DCPS: variants seen among roughly 807,000 people sequenced by gnomAD.
DCPS encodes m7GpppX diphosphatase.
DCPS carries 27 observed loss-of-function variants against 34.7 expected under a neutral mutation model. That is an observed-to-expected ratio of 0.78 (90% confidence interval 0.57 to 1.07). DCPS has a LOEUF of 1.07. DCPS is among the 50% of genes least tolerant of loss of function. DCPS has a pLI of 0.00. For missense variants in DCPS, 464 were observed against 436.9 expected (o/e 1.06, Z -0.55); for synonymous variants, 185 against 185.7 (o/e 1.00, Z 0.03).
Position 126,346,989 on chromosome 11 carries a change from C to T in DCPS, c.*1376C>T, listed in dbSNP as rs537016576. On this transcript the variant is annotated 3_prime_UTR_variant, in exon 6 of 6. Coordinates refer to ENST00000263579, the MANE Select transcript of DCPS (RefSeq NM_014026.6). This position sits in a 1 kb window ranked among gnomAD's most constrained non-coding sequence, Gnocchi z 4.1. ...CCTATAATCCCACCTACTTGGGAGG[C>T]TGAAGCAGGAGAATCCCTTGAACCC... Among the ~76,000 whole-genome samples the T allele has an allele frequency of 6.6e-6, 1 of 152,082 alleles. No individual in the cohort carries two copies. The highest frequency in any genetic ancestry group is 2.1e-4 in the South Asian group (1 of 4,824).
chr11:126,309,538 G>A (rs1316134269), intron 2 of DCPS, among the ~76,000 whole-genome samples: 2 of 152,142 alleles, frequency 1.3e-5, no homozygotes, highest in South Asian at 2.1e-4. Flanking sequence ...AAGTCTGTAC[G>A]TATTCAATAC....
rs1273553639 is a variant in DCPS at position 126,328,366 on chromosome 11, T to G, written c.377-3039T>G. 2.6e-5 allele frequency among the ~76,000 whole-genome samples: 4 copies of G among 151,750 alleles called. No homozygotes were observed. Among genetic ancestry groups the G allele is most frequent in the Non-Finnish European group, 4.4e-5 (3 of 67,934 alleles). On this transcript the variant is annotated intron_variant, in intron 2 of 5. Transcript: ENST00000263579. This position sits in a 1 kb window ranked among gnomAD's most constrained non-coding sequence, Gnocchi z 6.6. ...GGAAGCCAGGCCCCTTAGGAGTGAGTGCTCTAGGGGGACGTGGGGAGCTCT... is the reference window on the plus strand; with the variant it reads ...GGAAGCCAGGCCCCTTAGGAGTGAGGGCTCTAGGGGGACGTGGGGAGCTCT...
rs189046754 is a variant in DCPS at position 126,307,590 on chromosome 11, T to C, written c.376+846T>C. 9.2e-5 allele frequency among the ~76,000 whole-genome samples: 14 copies of C among 152,128 alleles called. No individual in the cohort carries two copies. In the East Asian group the frequency reaches 2.7e-3, roughly 30 times the overall value. ...CACGCCTGGCTAATTTTTGTATTTT[T>C]AGTAGAGTCAGGGTTTCCATCATGG... On this transcript the variant is annotated intron_variant, in intron 2 of 5. Coordinates refer to ENST00000263579, the MANE Select transcript of DCPS (RefSeq NM_014026.6).
chr11:126,344,574 C>G lies in DCPS; in HGVS notation c.748-773C>G, dbSNP rs1036861772. On this transcript the variant is annotated intron_variant, in intron 5 of 5. Transcript: ENST00000263579. The surrounding 1 kb of genome is among the most constrained non-coding windows in gnomAD (Gnocchi z 8.1). Reference sequence around the variant, plus strand: ...GCAGAACACAGTTCTGGGGTATATACTGAGCCCACTGAGGCCCTAGTACTT... The same window carrying G: ...GCAGAACACAGTTCTGGGGTATATAGTGAGCCCACTGAGGCCCTAGTACTT... 1.3e-5 allele frequency among the ~76,000 whole-genome samples: 2 copies of G among 152,208 alleles called. No individual in the cohort carries two copies. Among genetic ancestry groups the G allele is most frequent in the Non-Finnish European group, 2.9e-5 (2 of 68,042 alleles).
Position 126,327,024 on chromosome 11 carries a change from G to T in DCPS, c.377-4381G>T, listed in dbSNP as rs1951746391. 6.6e-6 allele frequency among the ~76,000 whole-genome samples: 1 copy of T among 152,132 alleles called. No homozygotes were observed. Among genetic ancestry groups the T allele is most frequent in the Non-Finnish European group, 1.5e-5 (1 of 68,032 alleles). On this transcript the variant is annotated intron_variant, in intron 2 of 5. Transcript: ENST00000263579. This position sits in a 1 kb window ranked among gnomAD's most constrained non-coding sequence, Gnocchi z 4.1. ...ATATACGTAGAATAATGATAACGAT[G>T]GATATAAAAAAGGGTAAAATTATTA...
intron 1 of DCPS, 129 bp from the exon 2 acceptor site, chr11:126,306,441 A>C (rs1591379671): frequency 9.7e-7 from 1 of 1,026,566 alleles, no homozygotes. Context: ...AGACTTCCCC[A>C]GAGGGAAGAC....
intron 2 of DCPS, among the ~76,000 whole-genome samples, chr11:126,311,079 C>T (rs915984287): frequency 2.0e-5 from 3 of 152,218 alleles, no homozygotes; most frequent in African/African-American, 4.8e-5. Flanking sequence ...CCTCCACGTT[C>T]TCAGCTGACT....
In DCPS at chr11:126,334,157, G is replaced by A. The variant is rs1037518782; in HGVS notation, c.522+2607G>A. Among the ~76,000 whole-genome samples the A allele has an allele frequency of 2.6e-5, 4 of 152,052 alleles. No individual in the cohort carries two copies. Among genetic ancestry groups the A allele is most frequent in the African/African-American group, 9.7e-5 (4 of 41,388 alleles). ...GCAACTGATTGACGTGCAGAGGGGA[G>A]GGAAGAGGTTGGGTGATGAGTGGAT... is the stretch of plus-strand genomic sequence containing the variant. On this transcript the variant is annotated intron_variant, in intron 3 of 5. Coordinates refer to ENST00000263579, the MANE Select transcript of DCPS (RefSeq NM_014026.6). This position sits in a 1 kb window ranked among gnomAD's most constrained non-coding sequence, Gnocchi z 5.5.
rs1171843836 is a variant in DCPS at position 126,312,806 on chromosome 11, C to T, written c.376+6062C>T. Among the ~76,000 whole-genome samples, 1 of 152,066 alleles carries T rather than the reference C, an allele frequency of 6.6e-6. No homozygotes were observed. Among genetic ancestry groups the T allele is most frequent in the Non-Finnish European group, 1.5e-5 (1 of 68,024 alleles). On this transcript the variant is annotated intron_variant, in intron 2 of 5. Transcript: ENST00000263579. This position sits in a 1 kb window ranked among gnomAD's most constrained non-coding sequence, Gnocchi z 5.1. ...TATGGTGTTGCCTCTTATTTTTTTC[C>T]ACCTTTCAATTTATGTGAGCTTTAA...
At position 126,328,857 on chromosome 11, in the gene DCPS, G is replaced by C. The variant is rs1951760253; in HGVS notation, c.377-2548G>C. On this transcript the variant is annotated intron_variant, in intron 2 of 5. Transcript: ENST00000263579. This position sits in a 1 kb window ranked among gnomAD's most constrained non-coding sequence, Gnocchi z 6.6. ...CACTTCCTGAATCTTTCCTTCTACT[G>C]ACTCGTTTAATTCTCCCAACAGCCC... 1.3e-5 allele frequency among the ~76,000 whole-genome samples: 2 copies of C among 152,304 alleles called. No homozygotes were observed. The highest frequency in any genetic ancestry group is 4.1e-4 in the South Asian group (2 of 4,828).
rs1350003977 is a variant in DCPS at position 126,319,043 on chromosome 11, A to T, written c.376+12299A>T. On this transcript the variant is annotated intron_variant, in intron 2 of 5. Transcript: ENST00000263579. This position sits in a 1 kb window ranked among gnomAD's most constrained non-coding sequence, Gnocchi z 4.5. Reference sequence around the variant, plus strand: ...CAAAGGGTGGCTTTATATATTAGGGAAGGGCTTGCAGCAGATCCTCAGGGT... The same window carrying T: ...CAAAGGGTGGCTTTATATATTAGGGTAGGGCTTGCAGCAGATCCTCAGGGT... Among the ~76,000 whole-genome samples the T allele has an allele frequency of 6.6e-6, 1 of 151,972 alleles. No homozygotes were observed. Among genetic ancestry groups the T allele is most frequent in the Non-Finnish European group, 1.5e-5 (1 of 67,992 alleles).
Position 126,319,784 on chromosome 11 carries a change from G to A in DCPS, c.377-11621G>A, listed in dbSNP as rs748050070. On this transcript the variant is annotated intron_variant, in intron 2 of 5. Transcript: ENST00000263579. The surrounding 1 kb of genome is among the most constrained non-coding windows in gnomAD (Gnocchi z 4.5). ...GAAAGAGGTTGGGCCTTTGGGATAC[G>A]GGAGTATTGCATAGAGGAACCAGAC... 2.6e-5 allele frequency among the ~76,000 whole-genome samples: 4 copies of A among 152,256 alleles called. No homozygotes were observed. Among genetic ancestry groups the A allele is most frequent in the Admixed American group, 1.3e-4 (2 of 15,284 alleles).
chr11:126,304,392 C>G, intron 1 of DCPS, 111 bp downstream of exon 1: 1 of 1,270,960 alleles, frequency 7.9e-7, no homozygotes, highest in Non-Finnish European at 1.1e-6. Flanking sequence ...ATCATTATCA[C>G]TCCGGGGAGG....
rs550422628 is a variant in DCPS at position 126,348,430 on chromosome 11, G to A, written c.*2817G>A. Among the ~76,000 whole-genome samples, 1 of 152,198 alleles carries A rather than the reference G, an allele frequency of 6.6e-6. No individual in the cohort carries two copies. The highest frequency in any genetic ancestry group is 6.5e-5 in the Admixed American group (1 of 15,282). On this transcript the variant is annotated 3_prime_UTR_variant, in exon 6 of 6. Coordinates refer to ENST00000263579, the MANE Select transcript of DCPS (RefSeq NM_014026.6). This position sits in a 1 kb window ranked among gnomAD's most constrained non-coding sequence, Gnocchi z 5.3. ...AAGCCTCTGCTAGAGGCCTGGCAAG[G>A]GTTCCCCTTCAGAGCCAGCCAGTGC...
rs773899999 is a variant in DCPS at position 126,320,915 on chromosome 11, CT to C, written c.377-10488del. Among the ~76,000 whole-genome samples the C allele has an allele frequency of 1.6e-4, 25 of 152,306 alleles. No homozygotes were observed. Among genetic ancestry groups the C allele is most frequent in the Non-Finnish European group, 2.8e-4 (19 of 68,036 alleles). On this transcript the variant is annotated intron_variant, in intron 2 of 5. Coordinates refer to ENST00000263579, the MANE Select transcript of DCPS (RefSeq NM_014026.6). The surrounding 1 kb of genome is among the most constrained non-coding windows in gnomAD (Gnocchi z 4.7). ...TTCCCATTTCATATGGAACTTGCTC[CT>C]TCCTTGCCCCAGCAGGAGAGTAGAG...
chr11:126,306,672 C>A lies in DCPS; in HGVS notation c.304C>A (p.Pro102Thr), dbSNP rs182840030. 9 of 1,613,872 alleles carry A rather than the reference C, an allele frequency of 5.6e-6. No individual in the cohort carries two copies. In the African/African-American group the frequency reaches 9.3e-5, roughly 17 times the overall value. ...GGTGGCTCAGCTCCTGACGGGCAGC[C>A]CTGAGCTCCAGTTGCAGTTCTCCAA... ...EQVAQLLTGS[P>T]ELQLQFSNDI... Residue 102 changes from proline to threonine, a missense_variant, in exon 2 of 6, where the codon CCT becomes ACT. Physicochemically the swap from Pro to Thr is conservative, Grantham distance 38. Transcript: ENST00000263579.
At position 126,313,839 on chromosome 11, in the gene DCPS, A is replaced by C. The variant is rs905419550; in HGVS notation, c.376+7095A>C. 6.6e-6 allele frequency among the ~76,000 whole-genome samples: 1 copy of C among 152,222 alleles called. No individual in the cohort carries two copies. Reference sequence around the variant, plus strand: ...TTTTACTTAGGTTTTTAAGTGGTACATATTTTATATACATACACACCTGTG... The same window carrying C: ...TTTTACTTAGGTTTTTAAGTGGTACCTATTTTATATACATACACACCTGTG... On this transcript the variant is annotated intron_variant, in intron 2 of 5. Coordinates refer to ENST00000263579, the MANE Select transcript of DCPS (RefSeq NM_014026.6). The surrounding 1 kb of genome is among the most constrained non-coding windows in gnomAD (Gnocchi z 4.9).
rs1022650638 is a variant in DCPS at position 126,346,636 on chromosome 11, T to A, written c.*1023T>A. Among the ~76,000 whole-genome samples, 3 of 152,114 alleles carry A rather than the reference T, an allele frequency of 2.0e-5. No individual in the cohort carries two copies. The highest frequency in any genetic ancestry group is 6.5e-5 in the Admixed American group (1 of 15,268). ...GCTGGTGTTTGCCACTTTGTCAGAG[T>A]AGGGCTGTGGATTTTGTGCCTTGCT... On this transcript the variant is annotated 3_prime_UTR_variant, in exon 6 of 6. Transcript: ENST00000263579. The surrounding 1 kb of genome is among the most constrained non-coding windows in gnomAD (Gnocchi z 4.1).
intron 2 of DCPS, among the ~76,000 whole-genome samples, chr11:126,307,201 C>T (rs184125341): frequency 1.3e-5 from 2 of 151,818 alleles, no homozygotes; most frequent in East Asian, 2.0e-4. Flanking sequence ...GGCATGGTGG[C>T]GTTCACCTGT....
Sources: allele counts gnomAD v4.1 joint callset (sites outside exome capture counted in the v4.1 genomes callset), GRCh38; gene constraint gnomAD v4.1.1; non-coding constraint Gnocchi (gnomAD v3.1); transcripts MANE v1.5; gene names NCBI Gene and HGNC (gene_info 2026-07-23, HGNC 2026-07-21).